The following PRDM6 variants were observed in gnomAD, a reference collection of about 807,000 sequenced individuals.
PRDM6 encodes the protein PR/SET domain 6.
PRDM6 carries 25 observed loss-of-function variants against 60.8 expected under a neutral mutation model. The ratio of observed to expected loss-of-function variants is 0.41; its 90% confidence interval spans 0.30 to 0.57. The LOEUF (loss-of-function observed/expected upper bound fraction) is 0.57. Among genes scored for constraint, PRDM6 ranks in the 20% least tolerant of loss-of-function variants. The pLI is 0.27. For missense variants in PRDM6, 839 were observed against 821.3 expected (o/e 1.02, Z -0.26); for synonymous variants, 407 against 357.4 (o/e 1.14, Z -1.57).
chr5:123,133,743 C>G (rs1447838837), intron 3 of PRDM6, among the ~76,000 whole-genome samples: 1 of 151,392 alleles, frequency 6.6e-6, no homozygotes, highest in Non-Finnish European at 1.5e-5. Flanking sequence ...GGAATAATGG[C>G]TTTACCACAA....
In PRDM6 at chr5:123,099,162, A is replaced by G. The variant is rs1229702942; in HGVS notation, c.593-492A>G. Among the ~76,000 whole-genome samples the G allele has an allele frequency of 1.3e-5, 2 of 152,210 alleles. No homozygotes were observed. Among genetic ancestry groups the G allele is most frequent in the Non-Finnish European group, 2.9e-5 (2 of 68,032 alleles). On this transcript the variant is annotated intron_variant, in intron 2 of 7. Transcript: ENST00000407847. This position sits in a 1 kb window ranked among gnomAD's most constrained non-coding sequence, Gnocchi z 4.0. ...ACGACCAGTATAGAATCTCTTCGAG[A>G]CAGCAGATTGGGCAAGAGACGGGCT...
At chr5:123,164,473 T>G (rs1436314195) in intron 5 of PRDM6, among the ~76,000 whole-genome samples, 1 of 152,204 alleles carries the variant, frequency 6.6e-6, no homozygotes, top group Non-Finnish European at 1.5e-5. Flanking sequence ...TAGGATGTTA[T>G]GAGGCTTGAT....
chr5:123,126,879 T>G (rs1342632151), intron 3 of PRDM6, among the ~76,000 whole-genome samples: 2 of 152,154 alleles, frequency 1.3e-5, no homozygotes, highest in Admixed American at 6.5e-5. Flanking sequence ...AATAAACCTT[T>G]TATGTTTTAT....
rs1055361124 is a variant in PRDM6 at position 123,099,758 on chromosome 5, C to A, written c.697C>A (p.Pro233Thr). The A allele has an allele frequency of 6.5e-6, 10 of 1,546,546 alleles. No homozygotes were observed. The highest frequency in any genetic ancestry group is 8.7e-6 in the Non-Finnish European group (10 of 1,145,100). ...CACCAGCAGCGCTGCGGCCGCCGCG[C>A]CCCCGCCGGAGCTGCCGGAGTGGCT... ...VGTSSAAAAA[P>T]PPELPEWLRD... Residue 233 changes from proline (P) to threonine (T), a missense_variant, in exon 3 of 8, where the codon CCC becomes ACC. This residue lies in a region of PRDM6 where 730 missense variants were observed against 648.8 expected (regional missense o/e 1.13). Transcript: ENST00000407847. This position sits in a 1 kb window ranked among gnomAD's most constrained non-coding sequence, Gnocchi z 4.0.
chr5:123,109,360 A>G (rs964354187), intron 3 of PRDM6, among the ~76,000 whole-genome samples: 2 of 152,160 alleles, frequency 1.3e-5, no homozygotes, highest in African/African-American at 4.8e-5. Flanking sequence ...CAGAGAAAAT[A>G]TTGATGACTT....
chr5:123,104,063 G>A (rs1401415234), intron 3 of PRDM6, among the ~76,000 whole-genome samples: 10 of 152,004 alleles, frequency 6.6e-5, no homozygotes, highest in Non-Finnish European at 1.3e-4. Flanking sequence ...GAAAATCAAG[G>A]GGGATAACAT....
At chr5:123,103,582 G>A (rs1046375493) in intron 3 of PRDM6, among the ~76,000 whole-genome samples, 2 of 151,908 alleles carry the variant, frequency 1.3e-5, no homozygotes, top group East Asian at 1.9e-4. Flanking sequence ...AAGTGAAAAG[G>A]CACATTTGAT....
intron 7 of PRDM6, among the ~76,000 whole-genome samples, chr5:123,184,553 C>T (rs547219988): frequency 2.6e-5 from 4 of 152,258 alleles, no homozygotes; most frequent in African/African-American, 7.2e-5. Flanking sequence ...CTCTGTTACA[C>T]TGCACGAAGT....
intron 4 of PRDM6, among the ~76,000 whole-genome samples, chr5:123,158,098 T>A (rs760800284): frequency 6.6e-6 from 1 of 152,252 alleles, no homozygotes; most frequent in Non-Finnish European, 1.5e-5. Flanking sequence ...ATTCGGTGCC[T>A]CAGAAGACCA....
intron 6 of PRDM6, among the ~76,000 whole-genome samples, chr5:123,172,174 C>A (rs1235308789): frequency 6.6e-6 from 1 of 152,044 alleles, no homozygotes; most frequent in African/African-American, 2.4e-5. Flanking sequence ...GGAGGGTACA[C>A]AGTGTGCCTA....
intron 3 of PRDM6, among the ~76,000 whole-genome samples, chr5:123,129,049 G>T (rs543817307): frequency 6.6e-6 from 1 of 152,112 alleles, no homozygotes; most frequent in East Asian, 1.9e-4. Context: ...ATTTTTGTCA[G>T]GTTTGTCAAA....
In PRDM6 at chr5:123,090,425, G is replaced by A. The variant is rs1223678201; in HGVS notation, c.411G>A (p.Leu137=). The A allele has an allele frequency of 2.1e-6, 3 of 1,454,432 alleles. No homozygotes were observed. Among genetic ancestry groups the A allele is most frequent in the Non-Finnish European group, 2.7e-6 (3 of 1,112,790 alleles). The allele number at this position is 1,454,432 out of a possible 1,614,324, so 90.1% of individuals were successfully genotyped here. The part of the protein sequence containing the change: ...VAAEPLPPKE[L]CLGATSGPGP... ...CCGAGCCGCTGCCCCCCAAGGAACT[G>A]TGCCTCGGCGCCACCTCCGGCCCCG... is the stretch of plus-strand genomic sequence containing the variant. Residue 137 remains leucine, a synonymous_variant, in exon 2 of 8, where the codon CTG becomes CTA. Coordinates refer to ENST00000407847, the MANE Select transcript of PRDM6 (RefSeq NM_001136239.4).
intron 3 of PRDM6, among the ~76,000 whole-genome samples, chr5:123,147,307 G>GAGAGAGAGAGAGAGAA (rs1309614411): frequency 2.2e-4 from 33 of 149,038 alleles, no homozygotes; most frequent in African/African-American, 7.9e-4. Flanking sequence ...GAGAGAGAGA[G>GAGAGAGAGAGAGAGAA]AAAACGAACA....
intron 3 of PRDM6, among the ~76,000 whole-genome samples, chr5:123,133,429 A>G (rs416015): frequency 0.33 from 50,285 of 151,796 alleles, 8,777 homozygotes; most frequent in Middle Eastern, 0.37. Context: ...CTAGTAGCTT[A>G]TTACACATTC....
intron 3 of PRDM6, among the ~76,000 whole-genome samples, chr5:123,103,763 G>A (rs772170115): frequency 6.6e-6 from 1 of 151,876 alleles, no homozygotes; most frequent in Non-Finnish European, 1.5e-5. Flanking sequence ...AATAAAATAC[G>A]GAAGTTTAAA....
intron 3 of PRDM6, among the ~76,000 whole-genome samples, chr5:123,105,852 C>T (rs1764188629): frequency 6.6e-6 from 1 of 152,206 alleles, no homozygotes; most frequent in Admixed American, 6.5e-5. Context: ...GCATTTGCCA[C>T]CTCACTCAAA....
intron 3 of PRDM6, among the ~76,000 whole-genome samples, chr5:123,113,069 C>T (rs1292825371): frequency 1.3e-5 from 2 of 152,048 alleles, no homozygotes; most frequent in Admixed American, 6.5e-5. Flanking sequence ...AATTGAAGGA[C>T]GTTAGTGCAG....
At chr5:123,136,583 C>G (rs543429738) in intron 3 of PRDM6, among the ~76,000 whole-genome samples, 1 of 152,186 alleles carries the variant, frequency 6.6e-6, no homozygotes, top group South Asian at 2.1e-4. Flanking sequence ...TATTTTGGAG[C>G]CTTTTGACCA....
At chr5:123,097,197 T>C (rs566057558) in intron 2 of PRDM6, among the ~76,000 whole-genome samples, 1 of 152,392 alleles carries the variant, frequency 6.6e-6, no homozygotes, top group South Asian at 2.1e-4. Flanking sequence ...ATTATCTATG[T>C]ATTTTCCTAT....
Sources: allele counts gnomAD v4.1 joint callset (sites outside exome capture counted in the v4.1 genomes callset), GRCh38; gene constraint gnomAD v4.1.1; regional missense constraint gnomAD v4.1.1; non-coding constraint Gnocchi (gnomAD v3.1); transcripts MANE v1.5; gene names NCBI Gene and HGNC (gene_info 2026-07-23, HGNC 2026-07-21).